The following RNF170 variants were observed in gnomAD, a reference collection of about 807,000 sequenced individuals.
The protein encoded by RNF170 is E3 ubiquitin-protein ligase RNF170.
RNF170 carries 12 observed loss-of-function variants against 32.7 expected under a neutral mutation model. The observed-to-expected ratio is 0.37, with a 90% CI of 0.24 to 0.60. The LOEUF is 0.60. Ranked by LOEUF, RNF170 falls within the 20% of genes least tolerant of loss-of-function variation. The pLI is 0.72. For synonymous variants in RNF170, 91 were observed against 103.6 expected (o/e 0.88, Z 0.74); for missense variants, 212 against 311.2 (o/e 0.68, Z 2.40).
chr8:42,873,930 C>T lies in RNF170; in HGVS notation c.213+1G>A, dbSNP rs776080655. On this transcript the variant is annotated splice_donor_variant, in intron 3 of 6. Transcript: ENST00000527424. LOFTEE classifies it high-confidence loss of function. Reference sequence around the variant, plus strand: ...TCCTCAAATAAATACATATACAATACCTGTTCTGTTTGAAGCTGTTCTCGA... The same window carrying T: ...TCCTCAAATAAATACATATACAATATCTGTTCTGTTTGAAGCTGTTCTCGA... The T allele has an allele frequency of 6.5e-7, 1 of 1,532,998 alleles. No individual in the cohort carries two copies. The highest frequency in any genetic ancestry group is 9.0e-7 in the Non-Finnish European group (1 of 1,106,366). The allele number at this position is 1,532,998 out of a possible 1,614,324, so 95.0% of individuals were successfully genotyped here.
chr8:42,862,949 T>G (rs1053027011), intron 5 of RNF170, among the ~76,000 whole-genome samples: 1 of 152,146 alleles, frequency 6.6e-6, no homozygotes, highest in Non-Finnish European at 1.5e-5. Flanking sequence ...AATGCTGCTG[T>G]GAGAGCGAGG....
At chr8:42,876,267 C>T in intron 2 of RNF170, among the ~76,000 whole-genome samples, 1 of 151,046 alleles carries the variant, frequency 6.6e-6, no homozygotes, top group Non-Finnish European at 1.5e-5. Context: ...AAAAAATATT[C>T]TACCACCAGA....
intron 1 of RNF170, among the ~76,000 whole-genome samples, chr8:42,890,878 T>C (rs531646393): frequency 3.0e-4 from 45 of 152,270 alleles, no homozygotes; most frequent in Admixed American, 2.9e-3. Flanking sequence ...CTGCAGGTGC[T>C]AGTGGCTCAA....
chr8:42,874,096 C>T, intron 2 of RNF170, 90 bp from the exon 3 acceptor site: 1 of 777,774 alleles, frequency 1.3e-6, no homozygotes, highest in South Asian at 1.4e-5. Flanking sequence ...CTTATAACTA[C>T]TGGTAATTAA....
At chr8:42,868,478 G>A (rs912990625) in intron 4 of RNF170, among the ~76,000 whole-genome samples, 2 of 152,134 alleles carry the variant, frequency 1.3e-5, no homozygotes, top group South Asian at 4.1e-4. Context: ...AATCGAAGTG[G>A]CTTCGAGTGT....
rs1468300419 is a variant in RNF170, at chr8:42,856,332, T to C, written c.604A>G (p.Ile202Val). The change falls in exon 7 of 7, where the codon ATA becomes GTA. Residue 202 changes from isoleucine (I) to valine (V), a missense_variant. Ile to Val is a conservative substitution (Grantham distance 29). This residue lies in a region of RNF170 where 97 missense variants were observed against 178.9 expected (regional missense o/e 0.54). Transcript: ENST00000527424. ...GGLFWMFRIR[I>V]ILCLMGAFFY... ...AAAGCTCCCATTAAACAAAGTATTA[T>C]CCTGATGCGAAACATCCAGAAAAGG... The C allele has an allele frequency of 6.3e-7, 1 of 1,593,018 alleles. No individual in the cohort carries two copies. The highest frequency in any genetic ancestry group is 1.4e-5 in the African/African-American group (1 of 73,318).
chr8:42,877,677 T>C (rs1805060964), intron 2 of RNF170, among the ~76,000 whole-genome samples: 1 of 152,070 alleles, frequency 6.6e-6, no homozygotes, highest in South Asian at 2.1e-4. Flanking sequence ...TATACAAATT[T>C]TAGGAAGAAG....
At chr8:42,890,566 T>C (rs1250548732) in intron 1 of RNF170, among the ~76,000 whole-genome samples, 1 of 152,172 alleles carries the variant, frequency 6.6e-6, no homozygotes, top group Admixed American at 6.5e-5. Flanking sequence ...TGTGAGCCAC[T>C]GCACCCGGCC....
intron 2 of RNF170, among the ~76,000 whole-genome samples, chr8:42,879,777 C>T (rs992290369): frequency 6.6e-6 from 1 of 151,904 alleles, no homozygotes; most frequent in Non-Finnish European, 1.5e-5. Flanking sequence ...CAGGTTCAAG[C>T]AATTCTCGTG....
chr8:42,896,333 ACGAG>A (rs1304469799), intron 1 of RNF170, 147 bp downstream of exon 1: 4 of 393,142 alleles, frequency 1.0e-5, no homozygotes, highest in African/African-American at 6.6e-5. Context: ...GGGCTTCCAG[ACGAG>A]GGAGGGGCCC....
intron 2 of RNF170, among the ~76,000 whole-genome samples, chr8:42,879,751 C>T (rs886331397): frequency 1.4e-4 from 22 of 151,908 alleles, no homozygotes; most frequent in Non-Finnish European, 2.4e-4. Flanking sequence ...CTTGGCTTGC[C>T]GGAACCTCTG....
intron 6 of RNF170, 42 bp downstream of exon 6, chr8:42,861,703 T>G: frequency 2.8e-6 from 4 of 1,429,728 alleles, no homozygotes; most frequent in Non-Finnish European, 3.9e-6. Flanking sequence ...AGAGAAGAAA[T>G]GTGTCTTCCT....
intron 4 of RNF170, among the ~76,000 whole-genome samples, chr8:42,866,371 C>T (rs1804079308): frequency 6.6e-6 from 1 of 151,944 alleles, no homozygotes; most frequent in Non-Finnish European, 1.5e-5. Flanking sequence ...AAAACCCCAT[C>T]TCTACAAAAA....
intron 4 of RNF170, among the ~76,000 whole-genome samples, chr8:42,866,277 C>A (rs1804072062): frequency 1.3e-5 from 2 of 152,138 alleles, no homozygotes; most frequent in African/African-American, 4.8e-5. Context: ...CGCGGTGGCT[C>A]ACACCTGTAA....
At chr8:42,865,790 G>T (rs1586498995) in intron 4 of RNF170, among the ~76,000 whole-genome samples, 1 of 152,010 alleles carries the variant, frequency 6.6e-6, no homozygotes, top group South Asian at 2.1e-4. Flanking sequence ...TTGAGACCAG[G>T]GTGGCCAATA....
Position 42,855,983 on chromosome 8 carries a change from A to G in RNF170, c.*176T>C, listed in dbSNP as rs183769469. 2 of 1,464,092 alleles carry G rather than the reference A, an allele frequency of 1.4e-6. No homozygotes were observed. The highest frequency in any genetic ancestry group is 2.8e-5 in the African/African-American group (2 of 71,318). The allele number at this position is 1,464,092 out of a possible 1,614,324, so 90.7% of individuals were successfully genotyped here. A position where few individuals can be genotyped will look rare whatever the true frequency, so the allele number is the denominator to read the frequency against. On this transcript the variant is annotated 3_prime_UTR_variant, in exon 7 of 7. Transcript: ENST00000527424. ...CTTAATATTAGAACTTCAAACATGA[A>G]AATTCCAGTTATACCTAGGTATTTG...
At chr8:42,859,193 A>C (rs763769081) in intron 6 of RNF170, among the ~76,000 whole-genome samples, 4 of 152,100 alleles carry the variant, frequency 2.6e-5, no homozygotes, top group Non-Finnish European at 4.4e-5. Context: ...GAAGTTTTCA[A>C]ACACAAGAGC....
At chr8:42,884,333 C>CGCTGAG (rs1805641643) in intron 2 of RNF170, among the ~76,000 whole-genome samples, 1 of 152,132 alleles carries the variant, frequency 6.6e-6, no homozygotes, top group Non-Finnish European at 1.5e-5. Flanking sequence ...ATCCATCCAC[C>CGCTGAG]TCAGCCTCCC....
intron 1 of RNF170, chr8:42,896,282 C>G: frequency 2.9e-6 from 1 of 349,442 alleles, no homozygotes; most frequent in South Asian, 2.1e-5. Flanking sequence ...TCGGCCCCTC[C>G]ACCGTCGCCG....
Sources: gnomAD v4.1 joint callset for allele counts (sites outside exome capture counted in the v4.1 genomes callset) on GRCh38, gnomAD v4.1.1 for gene constraint, gnomAD v4.1.1 regional missense constraint, MANE v1.5 for transcripts, NCBI Gene and HGNC (gene_info 2026-07-23, HGNC 2026-07-21) for gene names.